The following FARP2 variants were observed in gnomAD, a reference collection of about 807,000 sequenced individuals.
The protein encoded by FARP2 is FERM, ARHGEF and pleckstrin domain-containing protein 2.
FARP2 carries 111 observed loss-of-function variants against 130.5 expected under a neutral mutation model. That is an observed-to-expected ratio of 0.85 (90% CI 0.73 to 1.00). The LOEUF (loss-of-function observed/expected upper bound fraction) is 1.00, where lower values mean the gene tolerates loss of function less well. Ranked by LOEUF, FARP2 falls within the 50% of genes least tolerant of loss-of-function variation. FARP2 has a pLI of 0.00. For synonymous variants in FARP2, 504 were observed against 516.9 expected (o/e 0.98, Z 0.34); for missense variants, 1,385 against 1,346.3 (o/e 1.03, Z -0.45).
rs1205171193 is a variant in FARP2, at chr2:241,475,637, A to C, written c.2132-220A>C. 6.6e-6 allele frequency among the ~76,000 whole-genome samples: 1 copy of C among 152,170 alleles called. No homozygotes were observed. Among genetic ancestry groups the C allele is most frequent in the East Asian group, 1.9e-4 (1 of 5,198 alleles). ...TCTGAGGTGGAACAGTTTCATCCCC[A>C]AACCATTCCTACCACCTCTGGTCTG... On this transcript the variant is annotated intron_variant, in intron 18 of 26. Transcript: ENST00000264042. This position sits in a 1 kb window ranked among gnomAD's most constrained non-coding sequence, Gnocchi z 4.4.
chr2:241,471,753 C>T (rs1261690354), intron 18 of FARP2, among the ~76,000 whole-genome samples: 6 of 152,104 alleles, frequency 3.9e-5, no homozygotes, highest in African/African-American at 1.4e-4. Flanking sequence ...CCTCAGCCTC[C>T]CAAAGTGCTG....
intron 18 of FARP2, among the ~76,000 whole-genome samples, chr2:241,471,160 G>A (rs943196058): frequency 4.0e-5 from 6 of 150,192 alleles, no homozygotes; most frequent in Admixed American, 3.3e-4. Flanking sequence ...TTCTGACGGG[G>A]GTCCTGTTCT....
intron 22 of FARP2, 84 bp from the exon 23 acceptor site, chr2:241,490,977 G>A: frequency 1.0e-6 from 1 of 984,550 alleles, no homozygotes; most frequent in Non-Finnish European, 1.6e-6. Flanking sequence ...GAGAACAGGT[G>A]CCCTGACGGC....
At chr2:241,402,936 G>A (rs1199634921) in intron 2 of FARP2, among the ~76,000 whole-genome samples, 1 of 81,428 alleles carries the variant, frequency 1.2e-5, no homozygotes, top group Admixed American at 1.7e-4. Context: ...TTGCCATGTT[G>A]CCCAGGCTTA....
At chr2:241,430,083 T>A (rs2063053587) in intron 8 of FARP2, among the ~76,000 whole-genome samples, 1 of 152,318 alleles carries the variant, frequency 6.6e-6, no homozygotes, top group South Asian at 2.1e-4. Context: ...TTCTCTCCAT[T>A]TATTTAGTTT....
intron 7 of FARP2, among the ~76,000 whole-genome samples, chr2:241,415,082 A>G (rs923474049): frequency 6.6e-6 from 1 of 152,202 alleles, no homozygotes; most frequent in African/African-American, 2.4e-5. Context: ...ATACGGTCAG[A>G]CCATGCGTGC....
intron 10 of FARP2, 86 bp downstream of exon 10, chr2:241,434,407 T>C (rs2063167783): frequency 1.0e-6 from 1 of 1,003,700 alleles, no homozygotes; most frequent in Non-Finnish European, 1.4e-6. Context: ...GAAAGAAGTG[T>C]TATAAAATAT....
chr2:241,399,581 A>G (rs2062114262), intron 2 of FARP2, among the ~76,000 whole-genome samples: 1 of 152,198 alleles, frequency 6.6e-6, no homozygotes, highest in African/African-American at 2.4e-5. Context: ...AAGTGCTGGG[A>G]TTACAGGCAT....
intron 2 of FARP2, among the ~76,000 whole-genome samples, chr2:241,383,530 A>G (rs2061710724): frequency 6.6e-6 from 1 of 152,138 alleles, no homozygotes; most frequent in South Asian, 2.1e-4. Context: ...GGCATCTAGG[A>G]GGGCTTCTGC....
At chr2:241,446,658 T>G (rs2063521014) in intron 13 of FARP2, 3 of 152,216 alleles carry the variant, frequency 2.0e-5, no homozygotes, top group Admixed American at 2.0e-4. Context: ...ATCAAAAAAA[T>G]TCATTGCTGG....
At chr2:241,438,637 T>G (rs969142665) in intron 12 of FARP2, among the ~76,000 whole-genome samples, 1 of 150,740 alleles carries the variant, frequency 6.6e-6, no homozygotes, top group Non-Finnish European at 1.5e-5. Context: ...TTTTTTTGTT[T>G]TTTTTTTTTT....
chr2:241,413,204 A>G (rs1347781040), intron 6 of FARP2, 103 bp from the exon 7 acceptor site: 2 of 663,710 alleles, frequency 3.0e-6, no homozygotes, highest in Non-Finnish European at 5.0e-6. Context: ...TTCTTTTGCT[A>G]CAAATTTGGG....
intron 2 of FARP2, among the ~76,000 whole-genome samples, chr2:241,390,615 C>T (rs2061883805): frequency 6.6e-6 from 1 of 152,066 alleles, no homozygotes; most frequent in African/African-American, 2.4e-5. Flanking sequence ...TTTCCAGTCT[C>T]CTCTCATTTT....
At chr2:241,428,059 C>G (rs1185010881) in intron 8 of FARP2, among the ~76,000 whole-genome samples, 1 of 151,536 alleles carries the variant, frequency 6.6e-6, no homozygotes, top group Non-Finnish European at 1.5e-5. Flanking sequence ...AGCCACCACG[C>G]CCAGCCTAGG....
chr2:241,364,936 G>T (rs2061271540), intron 1 of FARP2, among the ~76,000 whole-genome samples: 1 of 152,182 alleles, frequency 6.6e-6, no homozygotes, highest in Admixed American at 6.5e-5. Context: ...ACTGTAATCT[G>T]TTGGACTGGG....
At position 241,482,111 on chromosome 2, in the gene FARP2, A is replaced by G. The variant is rs2064630269; in HGVS notation, c.2263-1354A>G. On this transcript the variant is annotated intron_variant, in intron 19 of 26. Transcript: ENST00000264042. This position sits in a 1 kb window ranked among gnomAD's most constrained non-coding sequence, Gnocchi z 4.6. ...GAGGATGTAATAGCAAGGATTGTTA[A>G]CCAGGTATAAAGTTGATGAGGTGCC... is the stretch of plus-strand genomic sequence containing the variant. Among the ~76,000 whole-genome samples the G allele has an allele frequency of 6.6e-6, 1 of 152,214 alleles. No individual in the cohort carries two copies.
intron 13 of FARP2, chr2:241,443,127 GCAACC>G (rs1385280414): frequency 1.9e-5 from 5 of 266,272 alleles, no homozygotes; most frequent in African/African-American, 1.2e-4. Flanking sequence ...CTTTTCTTCA[GCAACC>G]CTTTTGCACA....
At chr2:241,473,973 C>T (rs951549816) in intron 18 of FARP2, among the ~76,000 whole-genome samples, 2 of 152,010 alleles carry the variant, frequency 1.3e-5, no homozygotes, top group African/African-American at 4.8e-5. Context: ...ACTTTATCCT[C>T]TGAAAGCTGT....
intron 7 of FARP2, 131 bp from the exon 8 acceptor site, chr2:241,417,831 A>T: frequency 1.0e-6 from 1 of 954,778 alleles, no homozygotes; most frequent in South Asian, 1.6e-5. Flanking sequence ...GTAAACACAG[A>T]CAGTGAACCA....
Sources: allele counts gnomAD v4.1 joint callset (sites outside exome capture counted in the v4.1 genomes callset), GRCh38; gene constraint gnomAD v4.1.1; non-coding constraint Gnocchi (gnomAD v3.1); transcripts MANE v1.5; gene names NCBI Gene and HGNC (gene_info 2026-07-23, HGNC 2026-07-21).